FOCAD: variants seen among roughly 807,000 people sequenced by gnomAD.
FOCAD encodes the protein focadhesin.
In FOCAD, 198 loss-of-function variants were observed where a neutral mutation model predicts 225.6. The ratio of observed to expected loss-of-function variants is 0.88; its 90% CI spans 0.78 to 0.99. The LOEUF is 0.99. FOCAD is among the 50% of genes least tolerant of loss of function. FOCAD has a pLI of 0.00. For synonymous variants in FOCAD, 897 were observed against 755.0 expected, an observed-to-expected ratio of 1.19 and a Z score of -3.08; for missense variants, 2,713 against 2,123.6, an observed-to-expected ratio of 1.28 and a Z score of -5.46.
chr9:20,665,332 C>A (rs555345487), intron 2 of FOCAD, among the ~76,000 whole-genome samples: 10 of 152,006 alleles, frequency 6.6e-5, no homozygotes, highest in African/African-American at 2.4e-4. Flanking sequence ...GGCAGTGACT[C>A]CCAGAAAATG....
rs1832525129 is a variant in FOCAD, at chr9:20,901,191, A to AGTGT, written c.2626-5959_2626-5958insGTGT. 6.0e-5 allele frequency among the ~76,000 whole-genome samples: 8 copies of AGTGT among 132,424 alleles called. No homozygotes were observed. In the East Asian group the frequency reaches 1.7e-3, roughly 27 times the overall value. The allele number at this position is 132,424 out of a possible 152,430, so 86.9% of individuals were successfully genotyped here. A position where few individuals can be genotyped will look rare whatever the true frequency, so the allele number is the denominator to read the frequency against. On this transcript the variant is annotated intron_variant, in intron 21 of 43. Transcript: ENST00000338382. ...TTTTTTTTTCTGGGAATGTGGAAAC[A>AGTGT]ATGTGTGTGTGTGTGTGTGTGTGTG... is the stretch of plus-strand genomic sequence containing the variant.
At chr9:20,974,973 G>T (rs974808500) in intron 35 of FOCAD, among the ~76,000 whole-genome samples, 1 of 152,098 alleles carries the variant, frequency 6.6e-6, no homozygotes, top group African/African-American at 2.4e-5. Flanking sequence ...TCCTTTTGCT[G>T]ACTCTACTTC....
chr9:20,938,721 T>C (rs898111037), intron 28 of FOCAD, among the ~76,000 whole-genome samples: 11 of 151,658 alleles, frequency 7.3e-5, no homozygotes, highest in African/African-American at 2.7e-4. Flanking sequence ...CTAAAACTTA[T>C]AATAAAGAAA....
At position 20,689,764 on chromosome 9, in the gene FOCAD, A is replaced by G. The variant is rs553387443; in HGVS notation, c.-33+5471A>G. Among the ~76,000 whole-genome samples, 8 of 152,330 alleles carry G rather than the reference A, an allele frequency of 5.3e-5. No homozygotes were observed. In the East Asian group the frequency reaches 1.5e-3, roughly 29 times the overall value. ...TCTCTGAAGCATATGGCTAGCTTTT[A>G]GTAGTTGGGACTTTAAATTTTGATG... is the stretch of plus-strand genomic sequence containing the variant. On this transcript the variant is annotated intron_variant, in intron 1 of 43. Coordinates refer to ENST00000338382, the MANE Select transcript of FOCAD (RefSeq NM_001375567.1).
At chr9:20,781,306 G>T (rs534110791) in intron 9 of FOCAD, among the ~76,000 whole-genome samples, 1 of 152,230 alleles carries the variant, frequency 6.6e-6, no homozygotes, top group South Asian at 2.1e-4. Context: ...TCACTTTGCT[G>T]TTTACTTAAG....
chr9:20,901,165 G>T (rs1386636186), intron 21 of FOCAD, among the ~76,000 whole-genome samples: 2 of 145,516 alleles, frequency 1.4e-5, no homozygotes, highest in African/African-American at 2.5e-5. Flanking sequence ...GTTGCAAATG[G>T]TTTTTTTTTC....
chr9:20,924,575 A>G (rs1157047884), intron 25 of FOCAD, among the ~76,000 whole-genome samples: 1 of 152,158 alleles, frequency 6.6e-6, no homozygotes, highest in Non-Finnish European at 1.5e-5. Flanking sequence ...ATTAATAATA[A>G]CCATTCAAAA....
intron 1 of FOCAD, among the ~76,000 whole-genome samples, chr9:20,709,493 C>T (rs552376879): frequency 3.4e-5 from 5 of 145,334 alleles, no homozygotes; most frequent in African/African-American, 5.1e-5. Context: ...AAAGTGAAAC[C>T]GTCTCTGTCT....
At chr9:20,888,155 T>G (rs1831281867) in intron 21 of FOCAD, among the ~76,000 whole-genome samples, 1 of 147,932 alleles carries the variant, frequency 6.8e-6, no homozygotes, top group Non-Finnish European at 1.5e-5. Flanking sequence ...TTTTTTTTTT[T>G]TGAGATGGAG....
chr9:20,820,813 TAGA>T, intron 13 of FOCAD, 125 bp from the exon 14 acceptor site: 1 of 1,004,082 alleles, frequency 1.0e-6, no homozygotes, highest in Non-Finnish European at 1.5e-6. Flanking sequence ...CTCTGCTGAT[TAGA>T]AGAACGACAG....
intron 15 of FOCAD, among the ~76,000 whole-genome samples, chr9:20,823,613 G>A (rs115097232): frequency 7.4e-4 from 112 of 152,186 alleles, no homozygotes; most frequent in African/African-American, 2.6e-3. Flanking sequence ...ACTGTTCCCA[G>A]AATTATAACA....
Position 20,748,547 on chromosome 9 carries a change from A to G in FOCAD, c.392+8207A>G, listed in dbSNP as rs531764016. On this transcript the variant is annotated intron_variant, in intron 5 of 43. Transcript: ENST00000338382. ...GAGGGCTTGTAGAAATCATTATAGA[A>G]AAATCAGAGAAAGAAGATGGGAAAG... Among the ~76,000 whole-genome samples, 63 of 152,280 alleles carry G rather than the reference A, an allele frequency of 4.1e-4. 1 individual carries two copies. The highest frequency in any genetic ancestry group is 1.5e-3 in the African/African-American group (61 of 41,582).
chr9:20,805,671 A>G (rs935148250), intron 11 of FOCAD, among the ~76,000 whole-genome samples: 1 of 152,158 alleles, frequency 6.6e-6, no homozygotes, highest in Non-Finnish European at 1.5e-5. Context: ...TAAGCATATA[A>G]ATTCTGTTAG....
intron 15 of FOCAD, among the ~76,000 whole-genome samples, chr9:20,852,690 A>AT (rs1348916619): frequency 1.3e-5 from 2 of 151,708 alleles, no homozygotes; most frequent in African/African-American, 2.4e-5. Flanking sequence ...TAATTCATCA[A>AT]TTTTTTTGAT....
At chr9:20,804,278 C>G (rs534656330) in intron 11 of FOCAD, among the ~76,000 whole-genome samples, 1 of 151,768 alleles carries the variant, frequency 6.6e-6, no homozygotes, top group East Asian at 2.0e-4. Flanking sequence ...TCAAGTATGC[C>G]CATTCTGTTC....
chr9:20,749,100 C>G (rs1260983005), intron 5 of FOCAD, among the ~76,000 whole-genome samples: 1 of 152,056 alleles, frequency 6.6e-6, no homozygotes, highest in Non-Finnish European at 1.5e-5. Flanking sequence ...TATGTTTCCC[C>G]CCAACCAATT....
Position 20,876,544 on chromosome 9 carries a change from T to C in FOCAD, c.2317+1737T>C, listed in dbSNP as rs115380244. ...CTACATTGTTTGTCCTTGGTGGTTC[T>C]CAGTGCCTTCGACTGAGAAAGAAGG... On this transcript the variant is annotated intron_variant, in intron 19 of 43. Coordinates refer to ENST00000338382, the MANE Select transcript of FOCAD (RefSeq NM_001375567.1). Among the ~76,000 whole-genome samples the C allele has an allele frequency of 7.5e-3, 1,143 of 152,250 alleles. 14 individuals are homozygous for C. Among genetic ancestry groups the C allele is most frequent in the African/African-American group, 0.026 (1,083 of 41,534 alleles).
intron 11 of FOCAD, among the ~76,000 whole-genome samples, chr9:20,798,752 A>G (rs200903587): frequency 6.6e-6 from 1 of 151,290 alleles, no homozygotes; most frequent in South Asian, 2.1e-4. Flanking sequence ...TTCTTTATTA[A>G]TCTTGCTAGT....
intron 28 of FOCAD, among the ~76,000 whole-genome samples, chr9:20,941,290 C>T (rs1329399902): frequency 6.6e-6 from 1 of 152,170 alleles, no homozygotes; most frequent in Non-Finnish European, 1.5e-5. Flanking sequence ...GCTCATTGTG[C>T]CATTGTGATC....
Sources: allele counts gnomAD v4.1 joint callset (sites outside exome capture counted in the v4.1 genomes callset), GRCh38; gene constraint gnomAD v4.1.1; transcripts MANE v1.5; gene names NCBI Gene and HGNC (gene_info 2026-07-23, HGNC 2026-07-21).